The following MRPL44 variants were observed in gnomAD, a reference collection of about 807,000 sequenced individuals.
The protein encoded by MRPL44 is large ribosomal subunit protein mL44.
A neutral mutation model predicts 25.9 loss-of-function variants in MRPL44; 21 were observed. That is an observed-to-expected ratio of 0.81 (90% CI 0.58 to 1.17). MRPL44 has a LOEUF of 1.17. Ranked by LOEUF, MRPL44 falls within the 50% of genes most tolerant of loss-of-function variation. MRPL44 has a pLI of 0.00. For missense variants in MRPL44, 410 were observed against 398.9 expected (o/e 1.03, Z -0.24); for synonymous variants, 169 against 151.0 (o/e 1.12, Z -0.87).
At position 223,957,556 on chromosome 2, in the gene MRPL44, T is replaced by A. The variant is rs936019116; in HGVS notation, c.84T>A (p.Val28=). ...APVAPKLVPP[V]RGVKKGFRAA... is the part of the protein sequence containing the mutation. Reference sequence around the variant, plus strand: ...TCGCCCCCAAGCTGGTCCCTCCGGTTCGGGGAGTGAAGAAGGGATTCCGCG... The same window carrying A: ...TCGCCCCCAAGCTGGTCCCTCCGGTACGGGGAGTGAAGAAGGGATTCCGCG... Residue 28 remains valine (V), a synonymous_variant, in exon 1 of 4, where the codon GTT becomes GTA. Transcript: ENST00000258383. The A allele has an allele frequency of 1.2e-6, 2 of 1,614,018 alleles. No homozygotes were observed. The highest frequency in any genetic ancestry group is 1.7e-6 in the Non-Finnish European group (2 of 1,180,026).
chr2:223,951,644 A>G, the MRPL44 span, among the ~76,000 whole-genome samples: 2 of 151,910 alleles, frequency 1.3e-5, no homozygotes, highest in African/African-American at 4.8e-5. Flanking sequence ...ACGCCAGGCT[A>G]ATTTTTGTAT....
Position 223,960,001 on chromosome 2 carries a change from G to A in MRPL44, c.647G>A (p.Arg216Lys). 1 of 1,603,566 alleles carries A rather than the reference G, an allele frequency of 6.2e-7. No individual in the cohort carries two copies. The change falls in exon 2 of 4, where the codon AGG (arginine) becomes AAG (lysine). Residue 216 changes from arginine to lysine, a missense_variant and splice_region_variant. Arg to Lys is a conservative substitution (Grantham distance 26). Coordinates refer to ENST00000258383, the MANE Select transcript of MRPL44 (RefSeq NM_022915.5). ...CCTGAGAGGACTGCACTTTTCATCA[G>A]GGTACGTAACTATTAATTGGACATG... The part of the protein sequence containing the change: ...SGPERTALFI[R>K]DFLITQMTGK...
the MRPL44 span, among the ~76,000 whole-genome samples, chr2:223,950,926 G>A: frequency 6.6e-6 from 1 of 152,190 alleles, no homozygotes; most frequent in South Asian, 2.1e-4. Context: ...CCAAGAGGAA[G>A]TATGTGTGTA....
intron 2 of MRPL44, among the ~76,000 whole-genome samples, chr2:223,961,126 T>C (rs1430001118): frequency 6.6e-6 from 1 of 152,228 alleles, no homozygotes; most frequent in Non-Finnish European, 1.5e-5. Flanking sequence ...TAAATAGGAT[T>C]TGATGCTACT....
At chr2:223,964,818 C>A (rs1271240199) in intron 3 of MRPL44, among the ~76,000 whole-genome samples, 1 of 152,088 alleles carries the variant, frequency 6.6e-6, no homozygotes, top group Non-Finnish European at 1.5e-5. Context: ...ATTTTGTGAA[C>A]AAAGACGTTT....
upstream of MRPL44, among the ~76,000 whole-genome samples, chr2:223,953,087 TCATAAAGAATAA>T (rs139310867): frequency 0.36 from 55,039 of 151,494 alleles, 10,833 homozygotes; most frequent in Non-Finnish European, 0.44. Context: ...AATGATAGTC[TCATAAAGAATAA>T]CTTATTCGTA....
chr2:223,966,849 T>C lies in MRPL44; in HGVS notation c.828-14T>C, dbSNP rs746960756. 1.9e-6 allele frequency: 3 copies of C among 1,607,762 alleles called. No homozygotes were observed. Among genetic ancestry groups the C allele is most frequent in the South Asian group, 1.1e-5 (1 of 90,216 alleles). ...TTCCATGTAATTTAAGACTACTGTT[T>C]GTTCTCTTTCTAGTGATAAAAAGTT... is the stretch of plus-strand genomic sequence containing the variant. On this transcript the variant is annotated splice_polypyrimidine_tract_variant and intron_variant, in intron 3 of 3. Transcript: ENST00000258383.
chr2:223,959,693 A>T lies in MRPL44; in HGVS notation c.339A>T (p.Glu113Asp), dbSNP rs753608183. The change falls in exon 2 of 4, where the codon GAA becomes GAT. Residue 113 changes from glutamate to aspartate, a missense_variant. Physicochemically the swap from Glu to Asp is conservative, Grantham distance 45. Transcript: ENST00000258383. Reference protein sequence around the residue: ...AKRQQLGIEKEAVLLNLKSNQ... With the variant: ...AKRQQLGIEKDAVLLNLKSNQ... ...GCCAACAACTTGGGATAGAGAAAGA[A>T]GCTGTTCTTCTGAATCTTAAAAGTA... The T allele has an allele frequency of 6.2e-7, 1 of 1,614,276 alleles. No individual in the cohort carries two copies. Among genetic ancestry groups the T allele is most frequent in the Non-Finnish European group, 8.5e-7 (1 of 1,180,052 alleles).
chr2:223,960,152 A>G, intron 2 of MRPL44, 150 bp downstream of exon 2: 1 of 619,258 alleles, frequency 1.6e-6, no homozygotes, highest in South Asian at 2.1e-5. Context: ...AAGGGCTGTA[A>G]TTATTCCAGT....
chr2:223,957,564 T>A lies in MRPL44; in HGVS notation c.92T>A (p.Val31Glu), dbSNP rs1050354867. The A allele has an allele frequency of 6.2e-7, 1 of 1,613,856 alleles. No homozygotes were observed. The highest frequency in any genetic ancestry group is 8.5e-7 in the Non-Finnish European group (1 of 1,180,004). Reference sequence around the variant, plus strand: ...AAGCTGGTCCCTCCGGTTCGGGGAGTGAAGAAGGGATTCCGCGCCGCCTTC... The same window carrying A: ...AAGCTGGTCCCTCCGGTTCGGGGAGAGAAGAAGGGATTCCGCGCCGCCTTC... ...APKLVPPVRGVKKGFRAAFRF... is the reference protein window; with the variant it reads ...APKLVPPVRGEKKGFRAAFRF... Residue 31 changes from valine to glutamate, a missense_variant, in exon 1 of 4, where the codon GTG becomes GAG. By Grantham distance (121) the Val-to-Glu change is moderately radical. Coordinates refer to ENST00000258383, the MANE Select transcript of MRPL44 (RefSeq NM_022915.5).
rs748238947 is a variant in MRPL44, at chr2:223,957,601, G to A, written c.129G>A (p.Lys43=). The change falls in exon 1 of 4, where the codon AAG becomes AAA. Residue 43 remains lysine (K), a synonymous_variant. Coordinates refer to ENST00000258383, the MANE Select transcript of MRPL44 (RefSeq NM_022915.5). The stretch of plus-strand genomic sequence containing the variant: ...TCCGCGCCGCCTTCCGCTTCCAGAA[G>A]GAGTTAGAGCGGCAGCGCCTTCTGC... ...KGFRAAFRFQ[K]ELERQRLLRC... is the part of the protein sequence containing the mutation. The A allele has an allele frequency of 3.1e-6, 5 of 1,613,108 alleles. No individual in the cohort carries two copies. In the East Asian group the frequency reaches 8.9e-5, roughly 29 times the overall value.
At chr2:223,965,672 T>C (rs1231940399) in intron 3 of MRPL44, 1 of 152,214 alleles carries the variant, frequency 6.6e-6, no homozygotes, top group East Asian at 1.9e-4. Context: ...TAAATGGTTA[T>C]GATATAGAAA....
upstream of MRPL44, among the ~76,000 whole-genome samples, chr2:223,952,467 C>G (rs1403374895): frequency 6.6e-6 from 1 of 152,136 alleles, no homozygotes; most frequent in Non-Finnish European, 1.5e-5. Context: ...ACCTTTGTAA[C>G]TAGTTCTTTG....
intron 1 of MRPL44, among the ~76,000 whole-genome samples, chr2:223,959,159 T>C (rs545971805): frequency 2.0e-5 from 3 of 152,336 alleles, no homozygotes; most frequent in Admixed American, 2.0e-4. Flanking sequence ...TACTAGTGTT[T>C]ATGGCTTGAA....
chr2:223,966,968 A>G lies in MRPL44; in HGVS notation c.933A>G (p.Arg311=), dbSNP rs779812358. Residue 311 remains arginine (R), a synonymous_variant, in exon 4 of 4, where the codon AGA becomes AGG. Coordinates refer to ENST00000258383, the MANE Select transcript of MRPL44 (RefSeq NM_022915.5). ...AACTTTATGGATTCACAGAAAATAG[A>G]CGGCCGTGGAACTATTCCAAGCCCA... is the stretch of plus-strand genomic sequence containing the variant. The part of the protein sequence containing the change: ...LRKLYGFTEN[R]RPWNYSKPKE... The G allele has an allele frequency of 2.4e-5, 38 of 1,613,990 alleles. No homozygotes were observed. Among genetic ancestry groups the G allele is most frequent in the Non-Finnish European group, 3.0e-5 (35 of 1,179,990 alleles).
chr2:223,965,392 C>T lies in MRPL44; in HGVS notation c.827+1458C>T, dbSNP rs147461848. 1.7e-3 allele frequency among the ~76,000 whole-genome samples: 266 copies of T among 152,156 alleles called. 2 individuals carry two copies. In the Middle Eastern group the frequency reaches 0.027, roughly 16 times the overall value. On this transcript the variant is annotated intron_variant, in intron 3 of 3. Coordinates refer to ENST00000258383, the MANE Select transcript of MRPL44 (RefSeq NM_022915.5). ...CACTAGTTTTTCTTTAATTTGGTTTCGGTCTTCACTTTCAAATCAGCTTAT... is the reference window on the plus strand; with the variant it reads ...CACTAGTTTTTCTTTAATTTGGTTTTGGTCTTCACTTTCAAATCAGCTTAT...
chr2:223,957,378 C>CTTCGCGT, upstream of MRPL44: 3 of 1,524,334 alleles, frequency 2.0e-6, no homozygotes, highest in South Asian at 1.1e-5. Context: ...CCAGCCTTCT[C>CTTCGCGT]TTCGCGTTCC....
intron 3 of MRPL44, among the ~76,000 whole-genome samples, chr2:223,965,163 A>G (rs1387383170): frequency 1.3e-5 from 2 of 152,226 alleles, no homozygotes; most frequent in Admixed American, 6.5e-5. Context: ...TAAAACCAGC[A>G]ACATTAGACT....
intron 1 of MRPL44, 73 bp from the exon 2 acceptor site, chr2:223,959,461 C>A: frequency 8.8e-7 from 1 of 1,133,816 alleles, no homozygotes; most frequent in Non-Finnish European, 1.3e-6. Context: ...AACATTACAA[C>A]ACAGTGAACA....
Sources: allele counts gnomAD v4.1 joint callset (sites outside exome capture counted in the v4.1 genomes callset), GRCh38; gene constraint gnomAD v4.1.1; transcripts MANE v1.5; gene names NCBI Gene and HGNC (gene_info 2026-07-23, HGNC 2026-07-21).